Variants in APC observed in about 807,000 individuals in gnomAD.
The protein encoded by APC is APC regulator of Wnt signaling pathway, also known as adenomatous polyposis coli protein.
Under a neutral mutation model 247.0 loss-of-function variants are expected in APC, and 72 were observed. The ratio of observed to expected loss-of-function variants is 0.29; its 90% CI spans 0.24 to 0.35. The LOEUF is 0.35. Ranked by LOEUF, APC falls within the 10% of genes least tolerant of loss-of-function variation. APC has a pLI of 1.00. For missense variants in APC, 3,400 were observed against 3,360.7 expected (o/e 1.01, Z -0.29); for synonymous variants, 1,254 against 1,162.5 (o/e 1.08, Z -1.60).
At chr5:112,749,740 C>G (rs1734247) in intron 1 of APC, among the ~76,000 whole-genome samples, 12,954 of 151,852 alleles carry the variant, frequency 0.085, 598 homozygotes, top group Middle Eastern at 0.14. Flanking sequence ...CCGCCTTGGC[C>G]TCCCAAAGTG....
In APC at chr5:112,842,269, T is replaced by C. The variant is rs950337714; in HGVS notation, c.6675T>C (p.Ser2225=). The change falls in exon 16 of 16, where the codon TCT becomes TCC. Residue 2225 remains serine (S), a synonymous_variant. Coordinates refer to ENST00000257430, the MANE Select transcript of APC (RefSeq NM_000038.6). ...TTCAAGCAAACATGCCTTCAATCTCTCGAGGCAGGACAATGATTCATATTC... is the reference window on the plus strand; with the variant it reads ...TTCAAGCAAACATGCCTTCAATCTCCCGAGGCAGGACAATGATTCATATTC... ...QPLQANMPSI[S]RGRTMIHIPG... The C allele has an allele frequency of 6.2e-7, 1 of 1,613,898 alleles. No individual in the cohort carries two copies. The highest frequency in any genetic ancestry group is 1.3e-5 in the African/African-American group (1 of 74,888).
chr5:112,818,423 T>C (rs1376355274), intron 9 of APC, among the ~76,000 whole-genome samples: 3 of 148,840 alleles, frequency 2.0e-5, no homozygotes, highest in Non-Finnish European at 4.4e-5. Flanking sequence ...TGACAAAATG[T>C]TTTTAAATTT....
At chr5:112,818,824 C>G in intron 9 of APC, 142 bp from the exon 10 acceptor site, 2 of 899,104 alleles carry the variant, frequency 2.2e-6, no homozygotes, top group East Asian at 2.6e-5. Context: ...GAAAGGTTTT[C>G]CGGTTTTTTG....
intron 1 of APC, among the ~76,000 whole-genome samples, chr5:112,744,960 A>G (rs1193040248): frequency 2.0e-5 from 3 of 152,182 alleles, no homozygotes; most frequent in Non-Finnish European, 4.4e-5. Flanking sequence ...TAACTCAAAA[A>G]TGAGTAACAC....
chr5:112,716,527 T>C (rs968240327), intron 1 of APC, among the ~76,000 whole-genome samples: 1 of 152,212 alleles, frequency 6.6e-6, no homozygotes, highest in African/African-American at 2.4e-5. Context: ...TCTCCATTTA[T>C]TGAGTGCAGG....
chr5:112,790,142 G>C (rs1286143740), intron 6 of APC, among the ~76,000 whole-genome samples: 1 of 152,174 alleles, frequency 6.6e-6, no homozygotes, highest in Non-Finnish European at 1.5e-5. Flanking sequence ...TTACAGGCCT[G>C]AGCCACGGTG....
chr5:112,751,438 G>A (rs1757470826), intron 1 of APC, among the ~76,000 whole-genome samples: 2 of 151,944 alleles, frequency 1.3e-5, no homozygotes, highest in East Asian at 1.9e-4. Flanking sequence ...GGGAGAAATG[G>A]CATTTTTATG....
chr5:112,797,131 A>T (rs997843082), intron 7 of APC, among the ~76,000 whole-genome samples: 1 of 152,182 alleles, frequency 6.6e-6, no homozygotes, highest in Non-Finnish European at 1.5e-5. Flanking sequence ...ACTGTCTGCT[A>T]CTATGATCCA....
intron 1 of APC, among the ~76,000 whole-genome samples, chr5:112,713,466 C>T (rs1287183671): frequency 1.3e-5 from 2 of 152,122 alleles, no homozygotes; most frequent in African/African-American, 4.8e-5. Flanking sequence ...CGTGCCGCTG[C>T]TTTAATTACG....
chr5:112,782,109 C>G (rs1008932648), intron 6 of APC, among the ~76,000 whole-genome samples: 78 of 152,318 alleles, frequency 5.1e-4, no homozygotes, highest in African/African-American at 1.8e-3. Context: ...AGGGACTTAA[C>G]AGTTCTACGT....
intron 1 of APC, among the ~76,000 whole-genome samples, chr5:112,717,908 C>CTTTTTTTTTT: frequency 0.012 from 493 of 40,642 alleles, 74 homozygotes; most frequent in African/African-American, 0.017. Context: ...TTTTCTTTTT[C>CTTTTTTTTTT]TTTTTTTTTT....
At chr5:112,835,280 T>C in intron 15 of APC, 115 bp downstream of exon 15, 1 of 913,626 alleles carries the variant, frequency 1.1e-6, no homozygotes, top group East Asian at 2.6e-5. Context: ...ATATATTTAT[T>C]ACTGTGAAAA....
intron 13 of APC, 118 bp from the exon 14 acceptor site, chr5:112,828,738 C>A (rs1763990962): frequency 2.7e-6 from 2 of 735,922 alleles, no homozygotes; most frequent in South Asian, 1.6e-5. Flanking sequence ...CGTGAGTCAC[C>A]ACGGCTAGCC....
At chr5:112,725,642 T>TC (rs34037205) in intron 1 of APC, among the ~76,000 whole-genome samples, 2 of 151,376 alleles carry the variant, frequency 1.3e-5, no homozygotes, top group Non-Finnish European at 2.9e-5. Flanking sequence ...AGGCCTGTAG[T>TC]CCCAGGTACT....
Position 112,840,556 on chromosome 5 carries a change from T to C in APC, c.4962T>C (p.Ala1654=), listed in dbSNP as rs551322279. Residue 1654 remains alanine, a synonymous_variant, in exon 16 of 16, where the codon GCT becomes GCC. Transcript: ENST00000257430. The surrounding 1 kb of genome is among the most constrained non-coding windows in gnomAD (Gnocchi z 4.1). ...VEGTPINFST[A]TSLSDLTIES... is the part of the protein sequence containing the mutation. The stretch of plus-strand genomic sequence containing the variant: ...GGACACCTATAAACTTTTCCACAGC[T>C]ACATCTCTAAGTGATCTAACAATCG... 4 of 1,614,122 alleles carry C rather than the reference T, an allele frequency of 2.5e-6. No homozygotes were observed. In the African/African-American group the frequency reaches 4.0e-5, roughly 16 times the overall value.
At chr5:112,824,980 AACTG>A (rs537201223) in intron 11 of APC, among the ~76,000 whole-genome samples, 23 of 152,108 alleles carry the variant, frequency 1.5e-4, no homozygotes, top group African/African-American at 3.1e-4. Flanking sequence ...CACATTATTG[AACTG>A]ACTATGTGAC....
At chr5:112,836,174 C>CG (rs1160474842) in intron 15 of APC, among the ~76,000 whole-genome samples, 4 of 76,492 alleles carry the variant, frequency 5.2e-5, no homozygotes, top group Non-Finnish European at 9.4e-5. Flanking sequence ...GTCCCCCCCC[C>CG]CCCCCGCCAC....
At chr5:112,726,539 A>T (rs1490270664) in intron 1 of APC, among the ~76,000 whole-genome samples, 1 of 152,012 alleles carries the variant, frequency 6.6e-6, no homozygotes, top group Non-Finnish European at 1.5e-5. Flanking sequence ...GGGGTTTTTA[A>T]TGGGCACAGG....
intron 8 of APC, chr5:112,810,095 G>T: frequency 2.2e-6 from 1 of 455,880 alleles, no homozygotes; most frequent in Non-Finnish European, 4.4e-6. Flanking sequence ...CAGACTATAA[G>T]TTTGAGAGAA....
Sources: gnomAD v4.1 joint callset for allele counts (sites outside exome capture counted in the v4.1 genomes callset) on GRCh38, gnomAD v4.1.1 for gene constraint, Gnocchi (gnomAD v3.1) non-coding constraint, MANE v1.5 for transcripts, NCBI Gene and HGNC (gene_info 2026-07-23, HGNC 2026-07-21) for gene names.